Variants in BMPR1A observed in about 807,000 individuals in gnomAD.
The protein encoded by BMPR1A is bone morphogenetic protein receptor type 1A.
Under a neutral mutation model 66.0 loss-of-function variants are expected in BMPR1A, and 7 were observed. That is an observed-to-expected ratio of 0.11 (90% confidence interval 0.06 to 0.20). The LOEUF is 0.20. Ranked by LOEUF, BMPR1A falls within the 10% of genes least tolerant of loss-of-function variation. BMPR1A has a pLI of 1.00. For missense variants in BMPR1A, 408 were observed against 669.1 expected, an observed-to-expected ratio of 0.61 and a Z score of 4.31; for synonymous variants, 200 against 229.7, an observed-to-expected ratio of 0.87 and a Z score of 1.17.
At chr10:86,853,597 G>GT (rs55805885) in intron 2 of BMPR1A, among the ~76,000 whole-genome samples, 22,666 of 152,070 alleles carry the variant, frequency 0.15, 2,689 homozygotes, top group East Asian at 0.66. Flanking sequence ...TCTATTTTCC[G>GT]TAAGTGTTGG....
At chr10:86,832,853 T>C (rs1237572645) in intron 1 of BMPR1A, among the ~76,000 whole-genome samples, 1 of 152,242 alleles carries the variant, frequency 6.6e-6, no homozygotes. Flanking sequence ...TTGGTTATTA[T>C]GAACAAAGCT....
chr10:86,761,706 G>A (rs1011503790), intron 1 of BMPR1A, among the ~76,000 whole-genome samples: 2 of 152,184 alleles, frequency 1.3e-5, no homozygotes, highest in African/African-American at 4.8e-5. Flanking sequence ...GGTTAAGATG[G>A]TGGCAGATAA....
chr10:86,840,740 A>G (rs1033668531), intron 2 of BMPR1A, among the ~76,000 whole-genome samples: 1 of 152,086 alleles, frequency 6.6e-6, no homozygotes, highest in Non-Finnish European at 1.5e-5. Flanking sequence ...CCTTCTGTTA[A>G]TGGACCTCTT....
intron 2 of BMPR1A, chr10:86,843,262 C>A (rs1212454592): frequency 6.6e-6 from 1 of 152,212 alleles, no homozygotes; most frequent in Non-Finnish European, 1.5e-5. Context: ...CCCTTTCTCT[C>A]TTGTGGAGTG....
At chr10:86,845,332 T>G (rs1458322333) in intron 2 of BMPR1A, among the ~76,000 whole-genome samples, 1 of 152,180 alleles carries the variant, frequency 6.6e-6, no homozygotes, top group Non-Finnish European at 1.5e-5. Context: ...TGTACCTCAC[T>G]GTTGTCCCAC....
At chr10:86,855,673 G>A in intron 2 of BMPR1A, 1 of 699,968 alleles carries the variant, frequency 1.4e-6, no homozygotes, top group Non-Finnish European at 2.6e-6. Context: ...ATTTGCAATT[G>A]CCTAACTGCT....
intron 2 of BMPR1A, among the ~76,000 whole-genome samples, chr10:86,868,088 G>C (rs986265379): frequency 6.6e-6 from 1 of 152,156 alleles, no homozygotes; most frequent in Non-Finnish European, 1.5e-5. Context: ...CCCTGTTTTA[G>C]GTCTTCACTT....
intron 5 of BMPR1A, among the ~76,000 whole-genome samples, chr10:86,896,526 A>T (rs982371105): frequency 6.6e-6 from 1 of 152,212 alleles, no homozygotes; most frequent in Non-Finnish European, 1.5e-5. Flanking sequence ...CATGGGAGAT[A>T]TTGAAAGGAA....
intron 7 of BMPR1A, among the ~76,000 whole-genome samples, chr10:86,908,309 A>T (rs564383689): frequency 2.0e-5 from 3 of 152,246 alleles, no homozygotes; most frequent in African/African-American, 4.8e-5. Flanking sequence ...AAGATATCAC[A>T]TGTACCCCCC....
intron 1 of BMPR1A, among the ~76,000 whole-genome samples, chr10:86,826,257 A>G (rs953154154): frequency 1.3e-5 from 2 of 152,220 alleles, no homozygotes; most frequent in African/African-American, 4.8e-5. Context: ...ATATTATCTA[A>G]CATGTGATCC....
chr10:86,828,219 A>G (rs1842223313), intron 1 of BMPR1A, among the ~76,000 whole-genome samples: 2 of 152,176 alleles, frequency 1.3e-5, no homozygotes, highest in Admixed American at 6.5e-5. Context: ...TTCAGTTTTT[A>G]TATCTTCAGT....
intron 2 of BMPR1A, among the ~76,000 whole-genome samples, chr10:86,853,509 C>A (rs1842599558): frequency 6.6e-6 from 1 of 152,186 alleles, no homozygotes; most frequent in African/African-American, 2.4e-5. Context: ...ACTAAAGAAA[C>A]TACTGAAAAT....
At chr10:86,768,014 A>T (rs896017522) in intron 1 of BMPR1A, among the ~76,000 whole-genome samples, 6 of 152,224 alleles carry the variant, frequency 3.9e-5, no homozygotes, top group Admixed American at 2.0e-4. Flanking sequence ...GTAAGATGGT[A>T]CACATGCCCC....
intron 8 of BMPR1A, among the ~76,000 whole-genome samples, chr10:86,913,140 G>C (rs531312876): frequency 6.6e-6 from 1 of 151,576 alleles, no homozygotes; most frequent in Non-Finnish European, 1.5e-5. Context: ...TATTTTAATC[G>C]TATCGAGATA....
Position 86,900,050 on chromosome 10 carries a change from C to G in BMPR1A, c.454C>G (p.Arg152Gly), listed in dbSNP as rs1131691178. Residue 152 changes from arginine to glycine, a missense_variant, in exon 7 of 13, where the codon CGA becomes GGA. By Grantham distance (125) the Arg-to-Gly change is moderately radical. Around this residue, in one of 5 missense-constraint regions of BMPR1A, gnomAD observed 174 missense variants for 265.1 expected, o/e 0.66. Transcript: ENST00000372037. ...VIGPFFDGSI[R>G]WLVLLISMAV... ...AGGTCCGTTTTTTGATGGCAGCATT[C>G]GATGGCTGGTTTTGCTCATTTCTAT... 2 of 1,613,964 alleles carry G rather than the reference C, an allele frequency of 1.2e-6. No individual in the cohort carries two copies. The highest frequency in any genetic ancestry group is 1.7e-5 in the Admixed American group (1 of 60,000).
In BMPR1A at chr10:86,926,977, C is replaced by T. The variant is rs1290532893; in HGVS notation, c.*3258C>T. 1.6e-5 allele frequency: 3 copies of T among 188,248 alleles called. No homozygotes were observed. Among genetic ancestry groups the T allele is most frequent in the Non-Finnish European group, 3.4e-5 (3 of 89,486 alleles). 11.7% of individuals were successfully genotyped at this position (188,248 alleles called of 1,614,324 possible). A position where few individuals can be genotyped will look rare whatever the true frequency, so the allele number is the denominator to read the frequency against. ...ACAAGTTTCTGATGTATAAAACTTG[C>T]ATCTGATTTCTTTGGAAATATTTTC... On this transcript the variant is annotated 3_prime_UTR_variant, in exon 13 of 13. Transcript: ENST00000372037.
intron 1 of BMPR1A, among the ~76,000 whole-genome samples, chr10:86,806,284 T>C (rs1841888458): frequency 6.6e-6 from 1 of 152,166 alleles, no homozygotes; most frequent in Non-Finnish European, 1.5e-5. Context: ...TTTTCCCTCT[T>C]GTAACTAGTA....
chr10:86,851,827 C>T (rs918331115), intron 2 of BMPR1A, among the ~76,000 whole-genome samples: 1 of 152,178 alleles, frequency 6.6e-6, no homozygotes, highest in Non-Finnish European at 1.5e-5. Context: ...GTAGAGGTCT[C>T]AGCAGTTGTC....
At chr10:86,872,087 G>C (rs1352388685) in intron 2 of BMPR1A, among the ~76,000 whole-genome samples, 3 of 152,188 alleles carry the variant, frequency 2.0e-5, no homozygotes, top group African/African-American at 7.2e-5. Context: ...CTTAGGAGTT[G>C]TCATCAATAC....
Sources: allele counts gnomAD v4.1 joint callset (sites outside exome capture counted in the v4.1 genomes callset), GRCh38; gene constraint gnomAD v4.1.1; regional missense constraint gnomAD v4.1.1; transcripts MANE v1.5; gene names NCBI Gene and HGNC (gene_info 2026-07-23, HGNC 2026-07-21).